Variants in GINS2 observed in about 807,000 individuals in gnomAD.
The protein encoded by GINS2 is GINS complex subunit 2.
Under a neutral mutation model 21.2 loss-of-function variants are expected in GINS2, and 23 were observed. That is an observed-to-expected ratio of 1.08 (90% CI 0.78 to 1.53). The LOEUF is 1.53. Among genes scored for constraint, GINS2 ranks in the 40% most tolerant of loss-of-function variants. The pLI, the probability that GINS2 is intolerant of heterozygous loss-of-function variation, is 0.00. For synonymous variants in GINS2, 118 were observed against 85.6 expected (o/e 1.38, Z -2.09); for missense variants, 323 against 233.9 (o/e 1.38, Z -2.49).
Position 85,681,650 on chromosome 16 carries a change from T to A in GINS2, c.237A>T (p.Arg79=). 1.9e-6 allele frequency: 3 copies of A among 1,611,180 alleles called. No individual in the cohort carries two copies. Among genetic ancestry groups the A allele is most frequent in the Non-Finnish European group, 2.5e-6 (3 of 1,177,376 alleles). ...EKLEKMRDHE[R]KEETFTPMPS... ...GCATTGGGGTAAAAGTTTCTTCCTT[T>A]CGTTCATGATCCCTCATCTTCTCCA... is the stretch of plus-strand genomic sequence containing the variant. The change falls in exon 3 of 5, where the codon CGA becomes CGT. Residue 79 remains arginine, a synonymous_variant. Coordinates refer to ENST00000253462, the MANE Select transcript of GINS2 (RefSeq NM_016095.3).
chr16:85,677,342 G>A lies in GINS2; in HGVS notation c.*870C>T, dbSNP rs1012970537. On this transcript the variant is annotated 3_prime_UTR_variant, in exon 5 of 5. Coordinates refer to ENST00000253462, the MANE Select transcript of GINS2 (RefSeq NM_016095.3). ...TCTTAGGAAAAAAATAATTTCCCCT[G>A]AGCCCACTGTTACCTACAACAAAGA... 3.3e-5 allele frequency: 5 copies of A among 152,160 alleles called. No individual in the cohort carries two copies. The highest frequency in any genetic ancestry group is 3.3e-4 in the Admixed American group (5 of 15,280). The allele number at this position is 152,160 out of a possible 1,614,324, so 9.4% of individuals were successfully genotyped here. A position where few individuals can be genotyped will look rare whatever the true frequency, so the allele number is the denominator to read the frequency against.
rs762450795 is a variant in GINS2, at chr16:85,681,668, C to A, written c.219G>T (p.Lys73Asn). Residue 73 changes from lysine (K) to asparagine (N), a missense_variant, in exon 3 of 5, where the codon AAG becomes AAT. By Grantham distance (94) the Lys-to-Asn change is moderately conservative. Transcript: ENST00000253462. ...PEWMDVEKLE[K>N]MRDHERKEET... Reference sequence around the variant, plus strand: ...CTTCCTTTCGTTCATGATCCCTCATCTTCTCCAACTTTTCTGAAATTTAGA... The same window carrying A: ...CTTCCTTTCGTTCATGATCCCTCATATTCTCCAACTTTTCTGAAATTTAGA... 2 of 1,601,894 alleles carry A rather than the reference C, an allele frequency of 1.2e-6. No homozygotes were observed. Among genetic ancestry groups the A allele is most frequent in the South Asian group, 1.1e-5 (1 of 90,630 alleles).
intron 2 of GINS2, among the ~76,000 whole-genome samples, chr16:85,685,670 C>CAAAAAAAAAAAAAAAAAAAAAAAAAAAA (rs752631926): frequency 4.5e-4 from 25 of 55,288 alleles, no homozygotes; most frequent in East Asian, 1.4e-3. Context: ...GACCCTTTCT[C>CAAAAAAAAAAAAAAAAAAAAAAAAAAAA]AAAAAAAAAA....
chr16:85,686,011 A>AG (rs2053773980), intron 2 of GINS2, among the ~76,000 whole-genome samples: 1 of 151,510 alleles, frequency 6.6e-6, no homozygotes, highest in Non-Finnish European at 1.5e-5. Context: ...AAAAATTAAG[A>AG]TTTTTTTTCC....
chr16:85,687,542 G>C lies in GINS2; in HGVS notation c.123C>G (p.Pro41=), dbSNP rs374125054. 1.0e-5 allele frequency: 16 copies of C among 1,585,976 alleles called. No individual in the cohort carries two copies. The highest frequency in any genetic ancestry group is 2.3e-5 in the East Asian group (1 of 43,572). Reference sequence around the variant, plus strand: ...TCGCCAGCCACAGGGGCACTTCCACGGGTAAACCAGGGTTAAAAGGCCCCA... The same window carrying C: ...TCGCCAGCCACAGGGGCACTTCCACCGGTAAACCAGGGTTAAAAGGCCCCA... ...GDLGPFNPGL[P]VEVPLWLAIN... is the part of the protein sequence containing the mutation. Residue 41 remains proline (P), a synonymous_variant, in exon 2 of 5, where the codon CCC becomes CCG. Coordinates refer to ENST00000253462, the MANE Select transcript of GINS2 (RefSeq NM_016095.3).
Position 85,688,922 on chromosome 16 carries a change from G to A in GINS2, c.-24C>T, listed in dbSNP as rs760937598. On this transcript the variant is annotated 5_prime_UTR_variant, in exon 1 of 5. Coordinates refer to ENST00000253462, the MANE Select transcript of GINS2 (RefSeq NM_016095.3). The stretch of plus-strand genomic sequence containing the variant: ...ATGGCGGCGCGAGCTGCAGGCCAGA[G>A]CCTCACGGTCTCCTCGGGCCCCTCA... The A allele has an allele frequency of 1.3e-5, 20 of 1,510,290 alleles. 1 individual carries two copies. In the South Asian group the frequency reaches 2.2e-4, roughly 17 times the overall value. The allele number at this position is 1,510,290 out of a possible 1,614,324, so 93.6% of individuals were successfully genotyped here.
intron 2 of GINS2, among the ~76,000 whole-genome samples, chr16:85,685,364 T>C (rs897783000): frequency 5.3e-5 from 8 of 152,086 alleles, no homozygotes; most frequent in African/African-American, 1.9e-4. Flanking sequence ...GAGCCAGGCC[T>C]GGTGAGCCTC....
intron 2 of GINS2, among the ~76,000 whole-genome samples, chr16:85,686,031 G>C (rs2053774334): frequency 1.3e-5 from 2 of 151,416 alleles, no homozygotes; most frequent in Middle Eastern, 3.5e-3. Context: ...CCTATAATAA[G>C]CTACTCATAT....
At chr16:85,686,744 C>G (rs2053780903) in intron 2 of GINS2, among the ~76,000 whole-genome samples, 1 of 152,194 alleles carries the variant, frequency 6.6e-6, no homozygotes, top group South Asian at 2.1e-4. Context: ...TTCATCCACG[C>G]AGTAGCATGT....
intron 3 of GINS2, among the ~76,000 whole-genome samples, chr16:85,681,287 G>A (rs180783813): frequency 1.5e-3 from 222 of 152,372 alleles, no homozygotes; most frequent in Middle Eastern, 3.4e-3. Context: ...AATGTCGAGT[G>A]ATGTGAGGCA....
At chr16:85,680,054 T>C (rs973738703) in intron 3 of GINS2, among the ~76,000 whole-genome samples, 5 of 152,202 alleles carry the variant, frequency 3.3e-5, no homozygotes, top group African/African-American at 1.2e-4. Flanking sequence ...GAGCCCTCTC[T>C]GGCACCACCT....
At chr16:85,683,393 C>G (rs1567792075) in intron 2 of GINS2, among the ~76,000 whole-genome samples, 1 of 150,818 alleles carries the variant, frequency 6.6e-6, no homozygotes, top group African/African-American at 2.5e-5. Flanking sequence ...CCCATCAGCC[C>G]CTGAGCTCTA....
chr16:85,688,927 A>T lies in GINS2; in HGVS notation c.-29T>A, dbSNP rs2303206. The T allele has an allele frequency of 0.012, 17,749 of 1,494,050 alleles. 247 individuals carry two copies. The highest frequency in any genetic ancestry group is 0.041 in the South Asian group (3,380 of 81,450). The allele number at this position is 1,494,050 out of a possible 1,614,324, so 92.5% of individuals were successfully genotyped here. On this transcript the variant is annotated 5_prime_UTR_variant, in exon 1 of 5. Transcript: ENST00000253462. ...GGCGCGAGCTGCAGGCCAGAGCCTC[A>T]CGGTCTCCTCGGGCCCCTCAGCGTC...
intron 2 of GINS2, among the ~76,000 whole-genome samples, chr16:85,686,895 G>C (rs1167430338): frequency 1.3e-5 from 2 of 152,098 alleles, no homozygotes; most frequent in Non-Finnish European, 2.9e-5. Flanking sequence ...CTTATTTAAG[G>C]TCATATATTT....
intron 3 of GINS2, among the ~76,000 whole-genome samples, chr16:85,680,222 A>T (rs571392649): frequency 6.6e-6 from 1 of 152,324 alleles, no homozygotes; most frequent in East Asian, 1.9e-4. Flanking sequence ...GCTGCTTCTC[A>T]GCTTTTTATG....
At chr16:85,686,578 C>T (rs192584662) in intron 2 of GINS2, among the ~76,000 whole-genome samples, 103 of 152,294 alleles carry the variant, frequency 6.8e-4, no homozygotes, top group African/African-American at 2.4e-3. Context: ...ATCCCTCCAT[C>T]ACCCAAAGCA....
In GINS2 at chr16:85,677,014, G is replaced by C. The variant is rs534587502; in HGVS notation, c.*1198C>G. 2 of 151,598 alleles carry C rather than the reference G, an allele frequency of 1.3e-5. No homozygotes were observed. The highest frequency in any genetic ancestry group is 3.9e-4 in the East Asian group (2 of 5,150). The allele number at this position is 151,598 out of a possible 1,614,324, so 9.4% of individuals were successfully genotyped here. ...CGAGTAGCTGCGACTATAGGCGTGT[G>C]CCACCACACCTGGCAAATTTTTTTT... On this transcript the variant is annotated 3_prime_UTR_variant, in exon 5 of 5. Coordinates refer to ENST00000253462, the MANE Select transcript of GINS2 (RefSeq NM_016095.3).
rs1181809337 is a variant in GINS2, at chr16:85,678,273, T to C, written c.497A>G (p.His166Arg). Residue 166 changes from histidine to arginine, a missense_variant, in exon 5 of 5, where the codon CAC (histidine) becomes CGC (arginine). Transcript: ENST00000253462. ...GAGGTTCGTGCGGAGTTTGTACATGTGGTTGAGCGCTTGTGTGAGGAAAGT... is the reference window on the plus strand; with the variant it reads ...GAGGTTCGTGCGGAGTTTGTACATGCGGTTGAGCGCTTGTGTGAGGAAAGT... ...SGTFLTQALN[H>R]MYKLRTNLQP... The C allele has an allele frequency of 6.2e-7, 1 of 1,612,546 alleles. No homozygotes were observed. Among genetic ancestry groups the C allele is most frequent in the Non-Finnish European group, 8.5e-7 (1 of 1,178,606 alleles).
Position 85,677,892 on chromosome 16 carries a change from G to A in GINS2, c.*320C>T. ...CCAGTCACTGAACACCTGCCCAAGT[G>A]TGATGGCTTCCATGCAGGAGACCCA... is the stretch of plus-strand genomic sequence containing the variant. On this transcript the variant is annotated 3_prime_UTR_variant, in exon 5 of 5. Coordinates refer to ENST00000253462, the MANE Select transcript of GINS2 (RefSeq NM_016095.3). The A allele has an allele frequency of 4.2e-6, 1 of 240,648 alleles. No individual in the cohort carries two copies. 14.9% of individuals were successfully genotyped at this position (240,648 alleles called of 1,614,324 possible). A position where few individuals can be genotyped will look rare whatever the true frequency, so the allele number is the denominator to read the frequency against.
Sources: gnomAD v4.1 joint callset for allele counts (sites outside exome capture counted in the v4.1 genomes callset) on GRCh38, gnomAD v4.1.1 for gene constraint, MANE v1.5 for transcripts, NCBI Gene and HGNC (gene_info 2026-07-23, HGNC 2026-07-21) for gene names.